The following TCAIM variants were observed in gnomAD, a reference collection of about 807,000 sequenced individuals.
TCAIM encodes T cell activation inhibitor, mitochondrial, also known as T-cell activation inhibitor, mitochondrial.
A neutral mutation model predicts 58.6 loss-of-function variants in TCAIM; 36 were observed. That is an observed-to-expected ratio of 0.61 (90% CI 0.47 to 0.81). TCAIM has a LOEUF of 0.81. TCAIM is among the 30% of genes least tolerant of loss of function. TCAIM has a pLI of 0.00. For synonymous variants in TCAIM, 172 were observed against 193.6 expected, an observed-to-expected ratio of 0.89 and a Z score of 0.93; for missense variants, 466 against 579.6, an observed-to-expected ratio of 0.80 and a Z score of 2.01.
At chr3:44,351,466 C>G (rs985576894) in intron 1 of TCAIM, among the ~76,000 whole-genome samples, 9 of 151,692 alleles carry the variant, frequency 5.9e-5, no homozygotes, top group African/African-American at 2.2e-4. Context: ...AAAAAAATCA[C>G]CTTTTTAAAT....
At chr3:44,400,878 A>G (rs368757971) in intron 9 of TCAIM, 371 of 491,080 alleles carry the variant, frequency 7.6e-4, no homozygotes, top group African/African-American at 6.7e-3. Flanking sequence ...TCAGTAGCCA[A>G]CATTTGTGGT....
At chr3:44,354,903 A>T (rs1701162434) in intron 2 of TCAIM, 92 bp downstream of exon 2, 1 of 1,434,410 alleles carries the variant, frequency 7.0e-7, no homozygotes, top group Non-Finnish European at 9.5e-7. Context: ...TATTTTTCCA[A>T]TTCTGAAGTT....
chr3:44,405,729 G>A (rs1414102751), intron 10 of TCAIM, among the ~76,000 whole-genome samples: 12 of 151,878 alleles, frequency 7.9e-5, no homozygotes, highest in Non-Finnish European at 1.5e-4. Flanking sequence ...GCTGAGGCGG[G>A]TGGATCACCT....
chr3:44,364,239 T>TAA (rs77542917), intron 4 of TCAIM, among the ~76,000 whole-genome samples: 1 of 141,556 alleles, frequency 7.1e-6, no homozygotes, highest in Non-Finnish European at 1.5e-5. Flanking sequence ...GACTGTCATT[T>TAA]AAAAAAAAAA....
At chr3:44,343,624 G>A (rs1211395074) in intron 1 of TCAIM, among the ~76,000 whole-genome samples, 1 of 152,168 alleles carries the variant, frequency 6.6e-6, no homozygotes, top group Non-Finnish European at 1.5e-5. Context: ...GTAGCTACAT[G>A]TGGCTAGTGG....
Position 44,392,891 on chromosome 3 carries a change from A to G in TCAIM, c.609A>G (p.Lys203=), listed in dbSNP as rs2125651890. The part of the protein sequence containing the change: ...WLDNNGKSAV[K]KLKNSLPLRK... The stretch of plus-strand genomic sequence containing the variant: ...ATAACAATGGGAAAAGTGCTGTTAA[A>G]AAGCTAAAGAACAGTTTGCCACTTA... Residue 203 remains lysine (K), a synonymous_variant, in exon 6 of 11, where the codon AAA becomes AAG. Transcript: ENST00000342649. The G allele has an allele frequency of 1.9e-6, 3 of 1,613,520 alleles. No individual in the cohort carries two copies. In the South Asian group the frequency reaches 3.3e-5, roughly 18 times the overall value.
chr3:44,354,538 A>G (rs1346754731), intron 1 of TCAIM, among the ~76,000 whole-genome samples: 3 of 152,324 alleles, frequency 2.0e-5, no homozygotes, highest in Admixed American at 2.0e-4. Flanking sequence ...CTTGCTATCC[A>G]TGAACATGGA....
intron 1 of TCAIM, among the ~76,000 whole-genome samples, chr3:44,348,399 C>G (rs952831951): frequency 6.6e-6 from 1 of 152,204 alleles, no homozygotes; most frequent in African/African-American, 2.4e-5. Flanking sequence ...CCAGTGGGGT[C>G]CCACACAGAT....
intron 5 of TCAIM, chr3:44,391,142 T>A (rs1174632567): frequency 6.6e-6 from 1 of 152,216 alleles, no homozygotes; most frequent in African/African-American, 2.4e-5. Flanking sequence ...CACACAGGCT[T>A]TCAGCTCTTT....
At chr3:44,402,757 A>G (rs907179098) in intron 10 of TCAIM, among the ~76,000 whole-genome samples, 1 of 152,100 alleles carries the variant, frequency 6.6e-6, no homozygotes, top group Non-Finnish European at 1.5e-5. Context: ...CCCTGGTAGC[A>G]TAGGGGACAA....
chr3:44,367,010 C>G (rs980714349), intron 4 of TCAIM, among the ~76,000 whole-genome samples: 5 of 152,334 alleles, frequency 3.3e-5, no homozygotes, highest in African/African-American at 1.2e-4. Flanking sequence ...TCTGTGACCA[C>G]TGAGACTAGA....
intron 6 of TCAIM, among the ~76,000 whole-genome samples, chr3:44,395,264 AAAAC>A (rs1351190556): frequency 1.3e-5 from 2 of 152,236 alleles, no homozygotes; most frequent in African/African-American, 2.4e-5. Flanking sequence ...TTTAAAGAAA[AAAAC>A]AATTTTTTAA....
chr3:44,399,443 G>C (rs992966316), intron 8 of TCAIM, among the ~76,000 whole-genome samples: 24 of 152,168 alleles, frequency 1.6e-4, no homozygotes, highest in Admixed American at 1.5e-3. Flanking sequence ...TTATAGCAGA[G>C]TTTTTAATGC....
intron 5 of TCAIM, among the ~76,000 whole-genome samples, chr3:44,371,576 C>G (rs1413237077): frequency 6.6e-6 from 1 of 152,124 alleles, no homozygotes; most frequent in Non-Finnish European, 1.5e-5. Flanking sequence ...AATCCCTTTA[C>G]CAGCATGTCT....
chr3:44,357,634 T>G, intron 2 of TCAIM, 107 bp from the exon 3 acceptor site: 1 of 1,387,506 alleles, frequency 7.2e-7, no homozygotes, highest in African/African-American at 1.4e-5. Context: ...AGTATCTATC[T>G]TGTTTCTGCT....
chr3:44,363,444 T>C (rs1701323119), intron 4 of TCAIM, among the ~76,000 whole-genome samples: 1 of 152,250 alleles, frequency 6.6e-6, no homozygotes, highest in African/African-American at 2.4e-5. Context: ...AAAAAATTTT[T>C]ATTTCTAGAA....
intron 10 of TCAIM, among the ~76,000 whole-genome samples, chr3:44,407,108 A>G (rs954772553): frequency 6.6e-5 from 10 of 152,218 alleles, no homozygotes; most frequent in African/African-American, 2.4e-4. Context: ...GGGGTTTTAT[A>G]TTCTTCATTT....
intron 1 of TCAIM, among the ~76,000 whole-genome samples, chr3:44,346,765 A>G (rs561849627): frequency 3.3e-5 from 5 of 152,212 alleles, no homozygotes; most frequent in African/African-American, 1.2e-4. Context: ...AGGCTAAAAC[A>G]GTAAGGTCAA....
intron 1 of TCAIM, among the ~76,000 whole-genome samples, chr3:44,354,086 T>G (rs1211544446): frequency 6.6e-6 from 1 of 152,222 alleles, no homozygotes; most frequent in African/African-American, 2.4e-5. Flanking sequence ...TTGAGTTAAT[T>G]TTTGTGAACA....
Sources: allele counts gnomAD v4.1 joint callset (sites outside exome capture counted in the v4.1 genomes callset), GRCh38; gene constraint gnomAD v4.1.1; transcripts MANE v1.5; gene names NCBI Gene and HGNC (gene_info 2026-07-23, HGNC 2026-07-21).